INF2: variants seen among roughly 807,000 people sequenced by gnomAD.
INF2 encodes the protein inverted formin-2.
Under a neutral mutation model 123.5 loss-of-function variants are expected in INF2, and 43 were observed. The observed-to-expected ratio is 0.35, with a 90% CI of 0.27 to 0.45. INF2 has a LOEUF of 0.45. Ranked by LOEUF, INF2 falls within the 20% of genes least tolerant of loss-of-function variation. The pLI is 1.00. For missense variants in INF2, 1,453 were observed against 1,682.7 expected, an observed-to-expected ratio of 0.86 and a Z score of 2.39; for synonymous variants, 851 against 745.0, an observed-to-expected ratio of 1.14 and a Z score of -2.32.
At chr14:104,712,793 G>T in intron 17 of INF2, 35 bp from the exon 18 acceptor site, 1 of 1,579,754 alleles carries the variant, frequency 6.3e-7, no homozygotes, top group Admixed American at 1.8e-5. Flanking sequence ...CCCGCGCGGG[G>T]CTCTCACGGG....
At chr14:104,704,346 T>C (rs773871454) in intron 5 of INF2, 1 of 387,322 alleles carries the variant, frequency 2.6e-6, no homozygotes, top group Non-Finnish European at 4.5e-6. Context: ...AGGGCGAGAG[T>C]TGAAAAACTA....
At chr14:104,713,104 T>C (rs1375934333) in intron 18 of INF2, 103 bp from the exon 19 acceptor site, 7 of 1,607,618 alleles carry the variant, frequency 4.4e-6, no homozygotes, top group African/African-American at 1.3e-5. Context: ...GACACAGCCA[T>C]GTGGGCCCTG....
At position 104,708,116 on chromosome 14, in the gene INF2, C is replaced by A; in HGVS notation, c.1735+114C>A. ...GTGTGCGCGTCCTGCCCGTGCGTGG[C>A]CAGGGCAGCCTGGCCCTTGCTCTGG... On this transcript the variant is annotated intron_variant, in intron 8 of 22. Coordinates refer to ENST00000392634, the MANE Select transcript of INF2 (RefSeq NM_022489.4). 5 of 1,503,924 alleles carry A rather than the reference C, an allele frequency of 3.3e-6. No individual in the cohort carries two copies. In the Admixed American group the frequency reaches 7.5e-5, roughly 23 times the overall value. 93.2% of individuals were successfully genotyped at this position (1,503,924 alleles called of 1,614,324 possible).
Position 104,714,244 on chromosome 14 carries a change from C to T in INF2, c.3082C>T (p.Arg1028Cys), listed in dbSNP as rs369987125. Residue 1028 changes from arginine to cysteine, a missense_variant, in exon 21 of 23, where the codon CGC becomes TGC. By Grantham distance (180) the Arg-to-Cys change is radical (BLOSUM62 -3). Transcript: ENST00000392634. ...NPAGDPVGSTRCPASEPGLDA... is the reference protein window; with the variant it reads ...NPAGDPVGSTCCPASEPGLDA... ...TGCAGGAGATCCCGTGGGCAGCACG[C>T]GCTGTCCCGCCTCTGAGCCCGGCCT... 4.6e-5 allele frequency: 72 copies of T among 1,575,502 alleles called. No individual in the cohort carries two copies. The highest frequency in any genetic ancestry group is 9.4e-5 in the African/African-American group (7 of 74,150).
At position 104,681,491 on chromosome 14, in the gene INF2, C is replaced by T. The variant is rs144334647; in HGVS notation, c.-195C>T. Reference sequence around the variant, plus strand: ...AAGCACTCAGCTAAGCCCTAGTTACCGGCACACGGGCACCAGCGCCCCCTC... The same window carrying T: ...AAGCACTCAGCTAAGCCCTAGTTACTGGCACACGGGCACCAGCGCCCCCTC... On this transcript the variant is annotated 5_prime_UTR_variant, in exon 1 of 3. Coordinates refer to the INF2 transcript ENST00000674723. 7.3e-4 allele frequency: 814 copies of T among 1,113,040 alleles called. 11 individuals are homozygous for T. In the African/African-American group the frequency reaches 0.012, roughly 16 times the overall value. 68.9% of individuals were successfully genotyped at this position (1,113,040 alleles called of 1,614,324 possible).
chr14:104,683,641 C>G (rs895030903), intron 1 of INF2, among the ~76,000 whole-genome samples: 1 of 145,146 alleles, frequency 6.9e-6, no homozygotes, highest in East Asian at 2.1e-4. Context: ...CACACACACA[C>G]ACACAAATTA....
Position 104,706,022 on chromosome 14 carries a change from C to T in INF2, c.702-13C>T, listed in dbSNP as rs1231002624. 3 of 1,606,844 alleles carry T rather than the reference C, an allele frequency of 1.9e-6. No individual in the cohort carries two copies. Among genetic ancestry groups the T allele is most frequent in the Admixed American group, 1.7e-5 (1 of 59,874 alleles). ...CAGCAGCAGGCTTAGCCCACCTGGC[C>T]CCTCCTGCACAGAGACCTGGAGGAT... On this transcript the variant is annotated splice_polypyrimidine_tract_variant and intron_variant, in intron 5 of 22. Coordinates refer to ENST00000392634, the MANE Select transcript of INF2 (RefSeq NM_022489.4).
chr14:104,707,272 G>A lies in INF2; in HGVS notation c.1005G>A (p.Glu335=), dbSNP rs766028901. ...CTGCAGCCCAGGAATGCACCCTGGA[G>A]GAAGTGGTTGAGCGGCTCCTGTCTG... ...LASDAQECTL[E]EVVERLLSVK... Residue 335 remains glutamate (E), a synonymous_variant, in exon 8 of 23, where the codon GAG becomes GAA. Coordinates refer to ENST00000392634, the MANE Select transcript of INF2 (RefSeq NM_022489.4). The A allele has an allele frequency of 7.5e-6, 12 of 1,609,802 alleles. No individual in the cohort carries two copies. The highest frequency in any genetic ancestry group is 6.7e-5 in the East Asian group (3 of 44,756).
In INF2 at chr14:104,701,644, C is replaced by G. The variant is rs199769315; in HGVS notation, c.279C>G (p.Ser93=). The change falls in exon 2 of 23, where the codon TCC becomes TCG. Residue 93 remains serine, a synonymous_variant. Transcript: ENST00000392634. ...CGGGCCGCGGCGTTGCACGTATCTC[C>G]GACGCCCTGCTGCAGCTCACCTGCG... is the stretch of plus-strand genomic sequence containing the variant. ...RLSGRGVARI[S]DALLQLTCVS... 6.3e-7 allele frequency: 1 copy of G among 1,597,798 alleles called. No homozygotes were observed. Among genetic ancestry groups the G allele is most frequent in the Non-Finnish European group, 8.5e-7 (1 of 1,174,430 alleles).
intron 13 of INF2, 61 bp from the exon 14 acceptor site, chr14:104,710,876 C>A: frequency 6.8e-7 from 1 of 1,476,994 alleles, no homozygotes; most frequent in Non-Finnish European, 9.4e-7. Flanking sequence ...CACACCCCAC[C>A]GCCAGGGCAT....
At position 104,708,077 on chromosome 14, in the gene INF2, G is replaced by A. The variant is rs1889870024; in HGVS notation, c.1735+75G>A. 3.1e-5 allele frequency: 50 copies of A among 1,592,012 alleles called. No individual in the cohort carries two copies. The South Asian group carries it at 4.6e-4, about 15-fold the overall frequency. On this transcript the variant is annotated intron_variant, in intron 8 of 22. Transcript: ENST00000392634. ...GTCTCTGCTGGGGAGAGGGGCAGGT[G>A]GCACATGGAACTTGTGTGCGCGTCC...
At position 104,707,774 on chromosome 14, in the gene INF2, C is replaced by T; in HGVS notation, c.1507C>T (p.Pro503Ser). 1.5e-6 allele frequency: 2 copies of T among 1,345,634 alleles called. No homozygotes were observed. The highest frequency in any genetic ancestry group is 2.5e-5 in the East Asian group (1 of 39,878). 83.4% of individuals were successfully genotyped at this position (1,345,634 alleles called of 1,614,324 possible). A position where few individuals can be genotyped will look rare whatever the true frequency, so the allele number is the denominator to read the frequency against. ...PLPGLGCPPP[P>S]PPLLPGMGWG... ...CCCGGGCTTGGGATGCCCGCCCCCA[C>T]CCCCACCCCTGCTGCCTGGTATGGG... The change falls in exon 8 of 23, where the codon CCC becomes TCC. Residue 503 changes from proline to serine, a missense_variant. Transcript: ENST00000392634.
chr14:104,707,161 G>A, intron 7 of INF2, 92 bp from the exon 8 acceptor site: 2 of 1,510,068 alleles, frequency 1.3e-6, no homozygotes, highest in Non-Finnish European at 1.8e-6. Context: ...CTGCCCAGGG[G>A]AGGTGGCCGC....
rs755649066 is a variant in INF2, at chr14:104,707,854, C to T, written c.1587C>T (p.Pro529=). 69 of 1,605,544 alleles carry T rather than the reference C, an allele frequency of 4.3e-5. No homozygotes were observed. In the East Asian group the frequency reaches 1.2e-3, roughly 28 times the overall value. Residue 529 remains proline, a synonymous_variant, in exon 8 of 23, where the codon CCC becomes CCT. Coordinates refer to ENST00000392634, the MANE Select transcript of INF2 (RefSeq NM_022489.4). The part of the protein sequence containing the change: ...PPLLPCTCSP[P]VAGGMEEVIV... ...TACTGCCCTGCACCTGCAGCCCCCC[C>T]GTGGCGGGAGGCATGGAGGAGGTCA...
chr14:104,715,608 C>A, intron 22 of INF2: 1 of 598,230 alleles, frequency 1.7e-6, no homozygotes, highest in Non-Finnish European at 3.0e-6. Context: ...CTCGAGAGGG[C>A]AGGTGGCAGG....
intron 13 of INF2, 110 bp downstream of exon 13, chr14:104,710,298 G>A: frequency 1.3e-6 from 1 of 757,236 alleles, no homozygotes; most frequent in Non-Finnish European, 2.2e-6. Context: ...GCTGCTAAGA[G>A]CACCTAAGGG....
At chr14:104,716,263 C>G (rs1442240515) in intron 22 of INF2, among the ~76,000 whole-genome samples, 1 of 152,256 alleles carries the variant, frequency 6.6e-6, no homozygotes, top group African/African-American at 2.4e-5. Context: ...CTGAGGTCTG[C>G]TGGTGCCCAT....
chr14:104,717,335 G>A (rs117199305), intron 22 of INF2, among the ~76,000 whole-genome samples: 3 of 86,884 alleles, frequency 3.5e-5, no homozygotes, highest in Admixed American at 1.3e-4. Flanking sequence ...CTCCTAGTCC[G>A]CCCCCCCGGG....
chr14:104,707,525 A>ACCCCCCCCCCCCCCCCCCCCC lies in INF2; in HGVS notation c.1262_1263insCCCCCCCCCCCCCCCCCCCCC (p.Pro422_Pro428dup). ...CAGAGCCCTGGAGCAGCAGGCGTCC[A>ACCCCCCCCCCCCCCCCCCCCC]CCCCACCCCCACCCCCACCCCCACC... On this transcript the variant is annotated inframe_insertion, in exon 8 of 23. Coordinates refer to ENST00000392634, the MANE Select transcript of INF2 (RefSeq NM_022489.4). 3 of 1,379,228 alleles carry ACCCCCCCCCCCCCCCCCCCCC rather than the reference A, an allele frequency of 2.2e-6. No individual in the cohort carries two copies. Among genetic ancestry groups the ACCCCCCCCCCCCCCCCCCCCC allele is most frequent in the East Asian group, 3.5e-5 (1 of 28,540 alleles). 85.4% of individuals were successfully genotyped at this position (1,379,228 alleles called of 1,614,324 possible). A position where few individuals can be genotyped will look rare whatever the true frequency, so the allele number is the denominator to read the frequency against.
Sources: allele counts gnomAD v4.1 joint callset (sites outside exome capture counted in the v4.1 genomes callset), GRCh38; gene constraint gnomAD v4.1.1; transcripts MANE v1.5; gene names NCBI Gene and HGNC (gene_info 2026-07-23, HGNC 2026-07-21).